TOP1: variants seen among roughly 807,000 people sequenced by gnomAD.
TOP1 encodes the protein DNA topoisomerase I.
In TOP1, 10 loss-of-function variants were observed where a neutral mutation model predicts 111.1. The observed-to-expected ratio is 0.09, with a 90% CI of 0.06 to 0.15. TOP1 has a LOEUF of 0.15. TOP1 is among the 10% of genes least tolerant of loss of function. TOP1 has a pLI of 1.00. For synonymous variants in TOP1, 271 were observed against 302.9 expected (o/e 0.89, Z 1.10); for missense variants, 474 against 926.7 (o/e 0.51, Z 6.34).
rs2034039279 is a variant in TOP1, at chr20:41,100,160, T to C, written c.1080T>C (p.Leu360=). The change falls in exon 12 of 21, where the codon CTT becomes CTC. Residue 360 remains leucine, a synonymous_variant. Coordinates refer to ENST00000361337, the MANE Select transcript of TOP1 (RefSeq NM_003286.4). This position sits in a 1 kb window ranked among gnomAD's most constrained non-coding sequence, Gnocchi z 4.4. ...IANFKIEPPG[L]FRGRGNHPKM... ...ACTTCAAGATAGAGCCTCCTGGACTTTTCCGTGGCCGCGGCAACCACCCCA... is the reference window on the plus strand; with the variant it reads ...ACTTCAAGATAGAGCCTCCTGGACTCTTCCGTGGCCGCGGCAACCACCCCA... The C allele has an allele frequency of 3.1e-6, 5 of 1,614,004 alleles. No homozygotes were observed. The East Asian group carries it at 8.9e-5, about 29-fold the overall frequency.
intron 2 of TOP1, among the ~76,000 whole-genome samples, chr20:41,056,924 T>C (rs898357811): frequency 6.6e-6 from 1 of 152,040 alleles, no homozygotes; most frequent in African/African-American, 2.4e-5. Context: ...TTTAAAAAAC[T>C]TGGGGACCTG....
chr20:41,059,284 A>G (rs112973106), intron 2 of TOP1, among the ~76,000 whole-genome samples: 19,267 of 151,830 alleles, frequency 0.13, 1,417 homozygotes, highest in Non-Finnish European at 0.16. Flanking sequence ...GAGTTTACCT[A>G]TATAACAAAC....
chr20:41,117,522 G>A (rs574689877), intron 17 of TOP1, among the ~76,000 whole-genome samples: 2 of 151,192 alleles, frequency 1.3e-5, no homozygotes, highest in South Asian at 4.2e-4. Context: ...GAGTAGCTGG[G>A]ACTACAGGTG....
rs192115657 is a variant in TOP1 at position 41,096,338 on chromosome 20, G to T, written c.731-882G>T. On this transcript the variant is annotated intron_variant, in intron 9 of 20. Coordinates refer to ENST00000361337, the MANE Select transcript of TOP1 (RefSeq NM_003286.4). Reference sequence around the variant, plus strand: ...CTGCCTCAGCCTCCCAAAGTGCTGGGATTACAGGCATGAGCCACTGCTCCC... The same window carrying T: ...CTGCCTCAGCCTCCCAAAGTGCTGGTATTACAGGCATGAGCCACTGCTCCC... 2.5e-4 allele frequency among the ~76,000 whole-genome samples: 38 copies of T among 152,286 alleles called. 3 individuals carry two copies. Among genetic ancestry groups the T allele is most frequent in the African/African-American group, 8.4e-4 (35 of 41,554 alleles).
At chr20:41,108,661 G>A (rs1228381191) in intron 13 of TOP1, among the ~76,000 whole-genome samples, 2 of 152,132 alleles carry the variant, frequency 1.3e-5, no homozygotes, top group Non-Finnish European at 2.9e-5. Context: ...CATCTTGCAA[G>A]CATATTTCCA....
intron 8 of TOP1, among the ~76,000 whole-genome samples, chr20:41,085,615 A>G (rs2033839049): frequency 1.3e-5 from 2 of 152,274 alleles, no homozygotes; most frequent in South Asian, 4.1e-4. Context: ...TAGTTAGAAT[A>G]AAAATCAAAG....
Position 41,082,390 on chromosome 20 carries a change from T to G in TOP1, c.507+1150T>G, listed in dbSNP as rs1224483277. Among the ~76,000 whole-genome samples the G allele has an allele frequency of 1.3e-5, 2 of 152,228 alleles. No individual in the cohort carries two copies. The highest frequency in any genetic ancestry group is 2.9e-5 in the Non-Finnish European group (2 of 68,042). On this transcript the variant is annotated intron_variant, in intron 7 of 20. Coordinates refer to ENST00000361337, the MANE Select transcript of TOP1 (RefSeq NM_003286.4). The surrounding 1 kb of genome is among the most constrained non-coding windows in gnomAD (Gnocchi z 4.1). ...TGTTACATCCCTATTATCATCTCCA[T>G]TTTGCAGATGCAGAAATAGAGTATA... is the stretch of plus-strand genomic sequence containing the variant.
rs1175953592 is a variant in TOP1 at position 41,030,359 on chromosome 20, G to T, written c.58+904G>T. Among the ~76,000 whole-genome samples, 4 of 152,068 alleles carry T rather than the reference G, an allele frequency of 2.6e-5. No homozygotes were observed. Among genetic ancestry groups the T allele is most frequent in the Non-Finnish European group, 4.4e-5 (3 of 67,998 alleles). On this transcript the variant is annotated intron_variant, in intron 2 of 20. Transcript: ENST00000361337. This position sits in a 1 kb window ranked among gnomAD's most constrained non-coding sequence, Gnocchi z 4.1. ...CCTGGTGTGTTGGCCTTTTCGTTTGGGTTGTAAGGAGGAAAAAAAGATTTT... is the reference window on the plus strand; with the variant it reads ...CCTGGTGTGTTGGCCTTTTCGTTTGTGTTGTAAGGAGGAAAAAAAGATTTT...
chr20:41,091,393 G>C (rs950789350), intron 8 of TOP1, among the ~76,000 whole-genome samples: 4 of 151,962 alleles, frequency 2.6e-5, no homozygotes, highest in African/African-American at 9.7e-5. Flanking sequence ...AATTATACTA[G>C]GAGATTATTT....
At position 41,052,463 on chromosome 20, in the gene TOP1, C is replaced by T. The variant is rs867682463; in HGVS notation, c.59-8931C>T. 1.1e-4 allele frequency among the ~76,000 whole-genome samples: 17 copies of T among 152,312 alleles called. No individual in the cohort carries two copies. In the Middle Eastern group the frequency reaches 0.01, roughly 91 times the overall value. On this transcript the variant is annotated intron_variant, in intron 2 of 20. Coordinates refer to ENST00000361337, the MANE Select transcript of TOP1 (RefSeq NM_003286.4). ...TTTATCTTATATATGCCTGATGTGA[C>T]ATTGATTTGGCCACTTGGGGTTGAC...
chr20:41,074,119 A>G (rs1312646451), intron 3 of TOP1, among the ~76,000 whole-genome samples: 1 of 152,200 alleles, frequency 6.6e-6, no homozygotes, highest in Non-Finnish European at 1.5e-5. Flanking sequence ...CTCTTTGACC[A>G]TTCATTCTAA....
At position 41,109,548 on chromosome 20, in the gene TOP1, C is replaced by T. The variant is rs2034201509; in HGVS notation, c.1309-3234C>T. On this transcript the variant is annotated intron_variant, in intron 13 of 20. Transcript: ENST00000361337. The surrounding 1 kb of genome is among the most constrained non-coding windows in gnomAD (Gnocchi z 4.1). Reference sequence around the variant, plus strand: ...TTTACAGACTAAAAGAAAATATTTGCAACATGTTTATCTGAAAGGGCTTAT... The same window carrying T: ...TTTACAGACTAAAAGAAAATATTTGTAACATGTTTATCTGAAAGGGCTTAT... 1.3e-5 allele frequency among the ~76,000 whole-genome samples: 2 copies of T among 152,056 alleles called. No individual in the cohort carries two copies. The highest frequency in any genetic ancestry group is 4.1e-4 in the South Asian group (2 of 4,826).
intron 2 of TOP1, among the ~76,000 whole-genome samples, chr20:41,055,636 C>T (rs1378127751): frequency 6.6e-6 from 1 of 152,156 alleles, no homozygotes; most frequent in African/African-American, 2.4e-5. Context: ...CCCTTGTTCC[C>T]CCAGTCACCT....
rs1290272890 is a variant in TOP1, at chr20:41,112,298, G to A, written c.1309-484G>A. 6.6e-6 allele frequency among the ~76,000 whole-genome samples: 1 copy of A among 152,204 alleles called. No homozygotes were observed. Among genetic ancestry groups the A allele is most frequent in the Non-Finnish European group, 1.5e-5 (1 of 68,026 alleles). The stretch of plus-strand genomic sequence containing the variant: ...ATTGGGTCACAGAGTTGGCAGCAAG[G>A]CTGTGAAATTGATGTGGGAATGGGG... On this transcript the variant is annotated intron_variant, in intron 13 of 20. Transcript: ENST00000361337. This position sits in a 1 kb window ranked among gnomAD's most constrained non-coding sequence, Gnocchi z 5.8.
At chr20:41,056,645 AT>A (rs1158431489) in intron 2 of TOP1, among the ~76,000 whole-genome samples, 1 of 152,034 alleles carries the variant, frequency 6.6e-6, no homozygotes, top group Non-Finnish European at 1.5e-5. Context: ...TGCCCAATTA[AT>A]TTTTTAAACA....
Position 41,115,579 on chromosome 20 carries a change from C to T in TOP1, c.1707+140C>T, listed in dbSNP as rs2034316163. The T allele has an allele frequency of 1.6e-6, 1 of 615,636 alleles. No homozygotes were observed. Among genetic ancestry groups the T allele is most frequent in the African/African-American group, 1.8e-5 (1 of 54,380 alleles). The allele number at this position is 615,636 out of a possible 1,614,324, so 38.1% of individuals were successfully genotyped here. On this transcript the variant is annotated intron_variant, in intron 16 of 20. Transcript: ENST00000361337. The surrounding 1 kb of genome is among the most constrained non-coding windows in gnomAD (Gnocchi z 6.3). ...GTGGCATCCCATACACTCTCTCTTC[C>T]TCCCTCTGAGTCCACGGTGAATCTG... is the stretch of plus-strand genomic sequence containing the variant.
chr20:41,084,902 G>C (rs2033829479), intron 8 of TOP1, among the ~76,000 whole-genome samples: 1 of 152,146 alleles, frequency 6.6e-6, no homozygotes, highest in Non-Finnish European at 1.5e-5. Flanking sequence ...GTCGTGTTGG[G>C]AAAACTGCCT....
chr20:41,063,753 G>T (rs182233235), intron 3 of TOP1, among the ~76,000 whole-genome samples: 61 of 151,840 alleles, frequency 4.0e-4, no homozygotes, highest in Middle Eastern at 3.4e-3. Flanking sequence ...AGAAATGTCT[G>T]TTCATGTCTT....
chr20:41,064,308 T>C (rs2033581489), intron 3 of TOP1, among the ~76,000 whole-genome samples: 1 of 152,120 alleles, frequency 6.6e-6, no homozygotes, highest in African/African-American at 2.4e-5. Context: ...TGTTAGTGTT[T>C]CTGTACCATT....
Sources: gnomAD v4.1 joint callset for allele counts (sites outside exome capture counted in the v4.1 genomes callset) on GRCh38, gnomAD v4.1.1 for gene constraint, Gnocchi (gnomAD v3.1) non-coding constraint, MANE v1.5 for transcripts, NCBI Gene and HGNC (gene_info 2026-07-23, HGNC 2026-07-21) for gene names.